The following DIP2C variants were observed in gnomAD, a reference collection of about 807,000 sequenced individuals.
DIP2C encodes the protein disco-interacting protein 2 homolog C.
DIP2C carries 33 observed loss-of-function variants against 192.4 expected under a neutral mutation model. The ratio of observed to expected loss-of-function variants is 0.17; its 90% CI spans 0.13 to 0.23. The LOEUF (loss-of-function observed/expected upper bound fraction) is 0.23. DIP2C is among the 10% of genes least tolerant of loss of function. The pLI is 1.00. For synonymous variants in DIP2C, 979 were observed against 864.1 expected (o/e 1.13, Z -2.33); for missense variants, 1,537 against 2,110.1 (o/e 0.73, Z 5.32).
At chr10:502,422 A>C (rs72774532) in intron 1 of DIP2C, among the ~76,000 whole-genome samples, 4,804 of 152,330 alleles carry the variant, frequency 0.032, 104 homozygotes, top group Middle Eastern at 0.068. Flanking sequence ...ATGGGAAGTA[A>C]GCTCATAGGA....
At chr10:377,224 C>T (rs1413279406) in intron 17 of DIP2C, among the ~76,000 whole-genome samples, 3 of 146,592 alleles carry the variant, frequency 2.0e-5, no homozygotes, top group Non-Finnish European at 3.0e-5. Flanking sequence ...ACTATATAAA[C>T]TTTTTTACAA....
chr10:297,532 G>A (rs1435232379), intron 32 of DIP2C, among the ~76,000 whole-genome samples: 3 of 152,124 alleles, frequency 2.0e-5, no homozygotes, highest in African/African-American at 4.8e-5. Flanking sequence ...CAAGATGGAC[G>A]GAAGCGCAGG....
At chr10:508,378 TC>T (rs754451773) in intron 1 of DIP2C, among the ~76,000 whole-genome samples, 23 of 152,238 alleles carry the variant, frequency 1.5e-4, no homozygotes, top group Admixed American at 3.3e-4. Flanking sequence ...ACTCCCTTGC[TC>T]CCCAGCGTTA....
At chr10:448,640 C>T (rs76529045) in intron 3 of DIP2C, among the ~76,000 whole-genome samples, 9,285 of 114,942 alleles carry the variant, frequency 0.081, 2,007 homozygotes, top group African/African-American at 0.36. Flanking sequence ...CAGGATCACA[C>T]ACAGTGGGGC....
chr10:329,563 G>C lies in DIP2C; in HGVS notation c.3623C>G (p.Ser1208Cys). Residue 1208 changes from serine to cysteine, a missense_variant, in exon 30 of 37, where the codon TCT becomes TGT. Ser to Cys is a moderately radical substitution (Grantham distance 112, BLOSUM62 -1). Around this residue, in one of 4 missense-constraint regions of DIP2C, gnomAD observed 341 missense variants for 551.7 expected, o/e 0.62. Coordinates refer to ENST00000280886, the MANE Select transcript of DIP2C (RefSeq NM_014974.3). ...SGHQSILIPP[S>C]ELETNPALWL... is the part of the protein sequence containing the mutation. Reference sequence around the variant, plus strand: ...CAAGGCGGGGTTGGTTTCCAGCTCAGAGGGCGGGATCAGGATGGACTGGTG... The same window carrying C: ...CAAGGCGGGGTTGGTTTCCAGCTCACAGGGCGGGATCAGGATGGACTGGTG... 1.2e-6 allele frequency: 2 copies of C among 1,614,238 alleles called. No homozygotes were observed. Among genetic ancestry groups the C allele is most frequent in the Non-Finnish European group, 8.5e-7 (1 of 1,180,042 alleles).
chr10:565,006 AAC>A (rs1588471487), intron 1 of DIP2C, among the ~76,000 whole-genome samples: 4 of 152,186 alleles, frequency 2.6e-5, no homozygotes, highest in African/African-American at 9.7e-5. Flanking sequence ...ATGAAGAGTA[AAC>A]ACTTTTCTGG....
intron 17 of DIP2C, among the ~76,000 whole-genome samples, chr10:381,743 G>A (rs1283696539): frequency 5.3e-5 from 8 of 152,192 alleles, no homozygotes; most frequent in Non-Finnish European, 1.0e-4. Flanking sequence ...TGGGAAGCCT[G>A]TTGCAAGCAG....
At chr10:612,707 T>C (rs1853177324) in intron 1 of DIP2C, among the ~76,000 whole-genome samples, 1 of 152,156 alleles carries the variant, frequency 6.6e-6, no homozygotes, top group African/African-American at 2.4e-5. Context: ...CCGCCGACTG[T>C]GTCTAGAGAG....
intron 8 of DIP2C, among the ~76,000 whole-genome samples, chr10:409,767 C>T (rs1164815954): frequency 6.6e-6 from 1 of 152,162 alleles, no homozygotes; most frequent in Admixed American, 6.5e-5. Context: ...CTTTCCTAAC[C>T]TCAGGGTTTT....
chr10:509,526 C>G (rs1252291760), intron 1 of DIP2C, among the ~76,000 whole-genome samples: 2 of 152,194 alleles, frequency 1.3e-5, no homozygotes, highest in African/African-American at 4.8e-5. Context: ...AGCGGAAACT[C>G]ACACACAGCC....
intron 1 of DIP2C, among the ~76,000 whole-genome samples, chr10:502,573 C>T (rs1249442255): frequency 6.6e-6 from 1 of 152,038 alleles, no homozygotes; most frequent in East Asian, 1.9e-4. Context: ...CAAGTCACAC[C>T]AAAAGCCTAC....
At chr10:569,094 G>A (rs1849626606) in intron 1 of DIP2C, among the ~76,000 whole-genome samples, 1 of 152,140 alleles carries the variant, frequency 6.6e-6, no homozygotes, top group African/African-American at 2.4e-5. Flanking sequence ...TCAAGGGTCT[G>A]CAAACCACAA....
At chr10:329,681 C>T in intron 29 of DIP2C, 80 bp from the exon 30 acceptor site, 1 of 1,502,860 alleles carries the variant, frequency 6.7e-7, no homozygotes, top group Non-Finnish European at 8.9e-7. Context: ...CAGGGCAGCA[C>T]TGACTCCAAG....
chr10:684,230 A>G (rs1020827699), intron 1 of DIP2C, among the ~76,000 whole-genome samples: 2 of 152,242 alleles, frequency 1.3e-5, no homozygotes, highest in Admixed American at 6.5e-5. Context: ...TGCAGGTCAC[A>G]ATGTTTTCAA....
At chr10:475,172 G>A (rs1243734099) in intron 2 of DIP2C, among the ~76,000 whole-genome samples, 2 of 152,218 alleles carry the variant, frequency 1.3e-5, no homozygotes, top group Non-Finnish European at 2.9e-5. Flanking sequence ...ATGGCTGGGA[G>A]GAGGAGGAAA....
chr10:463,537 G>C (rs770146829), intron 3 of DIP2C, among the ~76,000 whole-genome samples: 1 of 152,064 alleles, frequency 6.6e-6, no homozygotes, highest in Admixed American at 6.6e-5. Context: ...TCATGGATAG[G>C]AAGAATATCA....
intron 1 of DIP2C, among the ~76,000 whole-genome samples, chr10:524,487 A>G (rs952628264): frequency 6.6e-6 from 1 of 152,182 alleles, no homozygotes; most frequent in Non-Finnish European, 1.5e-5. Flanking sequence ...CTACTTTTAT[A>G]TACCTTACAT....
Position 551,295 on chromosome 10 carries a change from G to C in DIP2C, c.86-64765C>G, listed in dbSNP as rs540302733. Among the ~76,000 whole-genome samples, 13 of 152,272 alleles carry C rather than the reference G, an allele frequency of 8.5e-5. 1 individual carries two copies. The South Asian group carries it at 2.7e-3, about 32-fold the overall frequency. ...CCTGGCTGCCGCCCACCCCGCCATG[G>C]AGCCTGGCATACAGCAGGTGCCTGA... is the stretch of plus-strand genomic sequence containing the variant. On this transcript the variant is annotated intron_variant, in intron 1 of 36. Transcript: ENST00000280886.
rs139794596 is a variant in DIP2C, at chr10:556,041, A to G, written c.86-69511T>C. 8.9e-3 allele frequency among the ~76,000 whole-genome samples: 1,356 copies of G among 151,740 alleles called. 39 individuals carry two copies. The highest frequency in any genetic ancestry group is 0.031 in the African/African-American group (1,278 of 41,252). On this transcript the variant is annotated intron_variant, in intron 1 of 36. Coordinates refer to ENST00000280886, the MANE Select transcript of DIP2C (RefSeq NM_014974.3). ...GTCCAGTCGCAGCAGACTCCCTCAC[A>G]GCACCCACCTCTCCCACAATCGGAT...
Sources: gnomAD v4.1 joint callset for allele counts (sites outside exome capture counted in the v4.1 genomes callset) on GRCh38, gnomAD v4.1.1 for gene constraint, gnomAD v4.1.1 regional missense constraint, MANE v1.5 for transcripts, NCBI Gene and HGNC (gene_info 2026-07-23, HGNC 2026-07-21) for gene names.